The following KIAA1217 variants were observed in gnomAD, a reference collection of about 807,000 sequenced individuals.
KIAA1217 encodes the protein KIAA1217, also known as sickle tail protein homolog.
Under a neutral mutation model 163.9 loss-of-function variants are expected in KIAA1217, and 88 were observed. That is an observed-to-expected ratio of 0.54 (90% CI 0.45 to 0.64). The LOEUF (loss-of-function observed/expected upper bound fraction) is 0.64, where lower values mean the gene tolerates loss of function less well. Ranked by LOEUF, KIAA1217 falls within the 30% of genes least tolerant of loss-of-function variation. The probability of loss-of-function intolerance (pLI) is 0.00; values close to 1 mark genes in which losing one functional copy is unlikely to be tolerated. For synonymous variants in KIAA1217, 903 were observed against 923.1 expected, an observed-to-expected ratio of 0.98 and a Z score of 0.39; for missense variants, 2,372 against 2,475.0, an observed-to-expected ratio of 0.96 and a Z score of 0.88.
At chr10:23,887,881 AC>A (rs1214874454) in intron 1 of KIAA1217, among the ~76,000 whole-genome samples, 1 of 151,746 alleles carries the variant, frequency 6.6e-6, no homozygotes, top group African/African-American at 2.4e-5. Flanking sequence ...CTTTTGAAAA[AC>A]CCAAAATAAA....
chr10:24,183,470 G>C lies in KIAA1217; in HGVS notation c.-170-36156G>C, dbSNP rs930231550. On this transcript the variant is annotated intron_variant, in intron 2 of 18. Coordinates refer to the KIAA1217 transcript ENST00000376462. ...TCAGAAAAGAGAATAATGAAAAAAA[G>C]ACAGTGGGGCTAAATTACTCTGTGT... 5.9e-5 allele frequency among the ~76,000 whole-genome samples: 9 copies of C among 152,276 alleles called. No homozygotes were observed. The East Asian group carries it at 1.7e-3, about 29-fold the overall frequency.
At chr10:23,934,679 A>G (rs1430785369) in intron 1 of KIAA1217, among the ~76,000 whole-genome samples, 1 of 142,930 alleles carries the variant, frequency 7.0e-6, no homozygotes, top group Non-Finnish European at 1.5e-5. Flanking sequence ...GTGCAGTGGC[A>G]CAATTTCGGC....
intron 6 of KIAA1217, among the ~76,000 whole-genome samples, chr10:24,484,245 T>C (rs201860468): frequency 2.4e-5 from 2 of 84,094 alleles, no homozygotes; most frequent in Non-Finnish European, 4.7e-5. Flanking sequence ...ATATATATTT[T>C]TTTTTTTTTT....
At chr10:23,765,822 T>C (rs528330007) in intron 1 of KIAA1217, among the ~76,000 whole-genome samples, 1 of 152,336 alleles carries the variant, frequency 6.6e-6, no homozygotes, top group South Asian at 2.1e-4. Context: ...TCGATCTCTT[T>C]TCTTTACAAA....
chr10:23,768,250 AG>A (rs763132716), intron 1 of KIAA1217, among the ~76,000 whole-genome samples: 26 of 152,218 alleles, frequency 1.7e-4, no homozygotes, highest in Non-Finnish European at 3.7e-4. Flanking sequence ...TGGTCAGAGG[AG>A]GGATAGGAAT....
intron 1 of KIAA1217, among the ~76,000 whole-genome samples, chr10:23,813,711 A>G (rs185195646): frequency 8.1e-4 from 124 of 152,318 alleles, no homozygotes; most frequent in South Asian, 2.1e-3. Flanking sequence ...GTTGATCCAA[A>G]TACCTAAGTC....
intron 1 of KIAA1217, among the ~76,000 whole-genome samples, chr10:23,965,148 CA>C (rs1845006511): frequency 6.6e-6 from 1 of 152,124 alleles, no homozygotes; most frequent in African/African-American, 2.4e-5. Context: ...CCTGAATTAG[CA>C]AAAATAAAAA....
intron 5 of KIAA1217, among the ~76,000 whole-genome samples, chr10:24,451,250 G>A (rs1265226569): frequency 6.6e-6 from 1 of 152,218 alleles, no homozygotes; most frequent in Non-Finnish European, 1.5e-5. Context: ...CTTGATTTGG[G>A]AGCAAGAAAG....
At chr10:24,396,151 AC>A (rs1354480844) in intron 3 of KIAA1217, among the ~76,000 whole-genome samples, 2 of 152,024 alleles carry the variant, frequency 1.3e-5, no homozygotes, top group East Asian at 3.9e-4. Flanking sequence ...AGCCTGGCCA[AC>A]ATGGTGAAAC....
At chr10:23,916,562 G>A (rs150038935) in intron 1 of KIAA1217, among the ~76,000 whole-genome samples, 1 of 152,192 alleles carries the variant, frequency 6.6e-6, no homozygotes, top group Non-Finnish European at 1.5e-5. Context: ...TAAATACATA[G>A]TACCTTTCAA....
chr10:24,114,808 C>A (rs992729951), intron 2 of KIAA1217, among the ~76,000 whole-genome samples: 2 of 152,206 alleles, frequency 1.3e-5, no homozygotes, highest in Non-Finnish European at 2.9e-5. Context: ...CCTCATCAAT[C>A]CTGACAAGAG....
intron 2 of KIAA1217, among the ~76,000 whole-genome samples, chr10:24,062,551 G>A (rs1416013183): frequency 6.6e-6 from 1 of 150,974 alleles, no homozygotes; most frequent in Non-Finnish European, 1.5e-5. Flanking sequence ...TTGGACATTT[G>A]GGTTGGTTCC....
At position 24,543,100 on chromosome 10, in the gene KIAA1217, A is replaced by G; in HGVS notation, c.3830A>G (p.Glu1277Gly). Residue 1277 changes from glutamate to glycine, a missense_variant, in exon 19 of 21, where the codon GAA becomes GGA. Around this residue, in one of 3 missense-constraint regions of KIAA1217, gnomAD observed 251 missense variants for 327.3 expected, o/e 0.77. Coordinates refer to ENST00000376454, the MANE Select transcript of KIAA1217 (RefSeq NM_019590.5). ...SFGFSGISPLEDEINKGSKIS... is the reference protein window; with the variant it reads ...SFGFSGISPLGDEINKGSKIS... The stretch of plus-strand genomic sequence containing the variant: ...GGTTTCTCTGGCATTAGTCCATTAG[A>G]AGATGAAATAAACAAAGGGTCTAAA... 2 of 1,613,766 alleles carry G rather than the reference A, an allele frequency of 1.2e-6. No individual in the cohort carries two copies. The highest frequency in any genetic ancestry group is 1.7e-6 in the Non-Finnish European group (2 of 1,179,996).
chr10:24,228,187 G>A (rs2070858940), intron 2 of KIAA1217, among the ~76,000 whole-genome samples: 1 of 151,972 alleles, frequency 6.6e-6, no homozygotes. Context: ...AATTGAGCCT[G>A]GGAGATCAAG....
At chr10:23,816,404 T>A (rs1333723626) in intron 1 of KIAA1217, among the ~76,000 whole-genome samples, 1 of 152,006 alleles carries the variant, frequency 6.6e-6, no homozygotes, top group African/African-American at 2.4e-5. Flanking sequence ...GCAATTCTCC[T>A]GCCTCAGCCT....
rs58645832 is a variant in KIAA1217, at chr10:24,437,906, C to CAAAAA, written c.753-465_753-461dup. ...TTCAGTTGCCGAAAGTGTTTGAAGG[C>CAAAAA]AAAAAAAAAAAAAAAAAAAGAAAAA... is the stretch of plus-strand genomic sequence containing the variant. On this transcript the variant is annotated intron_variant, in intron 4 of 20. Coordinates refer to ENST00000376454, the MANE Select transcript of KIAA1217 (RefSeq NM_019590.5). Among the ~76,000 whole-genome samples, 142 of 63,620 alleles carry CAAAAA rather than the reference C, an allele frequency of 2.2e-3. 3 individuals are homozygous for CAAAAA. The highest frequency in any genetic ancestry group is 5.1e-3 in the African/African-American group (76 of 14,948). The allele number at this position is 63,620 out of a possible 152,430, so 41.7% of individuals were successfully genotyped here.
At chr10:23,974,481 G>A (rs543527262) in intron 1 of KIAA1217, among the ~76,000 whole-genome samples, 2 of 152,176 alleles carry the variant, frequency 1.3e-5, no homozygotes, top group South Asian at 4.2e-4. Flanking sequence ...TTATAAGGAT[G>A]AAGTAAGATA....
chr10:24,390,743 A>G (rs1431151274), intron 3 of KIAA1217, among the ~76,000 whole-genome samples: 1 of 152,208 alleles, frequency 6.6e-6, no homozygotes, highest in African/African-American at 2.4e-5. Flanking sequence ...ATTTCAGGCT[A>G]AGAATTAACC....
chr10:24,167,957 C>T (rs2065434817), intron 2 of KIAA1217, among the ~76,000 whole-genome samples: 1 of 152,150 alleles, frequency 6.6e-6, no homozygotes, highest in Non-Finnish European at 1.5e-5. Flanking sequence ...CCTGAGATAA[C>T]GTTGCCCATC....
Sources: allele counts gnomAD v4.1 joint callset (sites outside exome capture counted in the v4.1 genomes callset), GRCh38; gene constraint gnomAD v4.1.1; regional missense constraint gnomAD v4.1.1; transcripts MANE v1.5; gene names NCBI Gene and HGNC (gene_info 2026-07-23, HGNC 2026-07-21).